Variants in TACR3 observed in about 807,000 individuals in gnomAD.
The protein encoded by TACR3 is tachykinin receptor 3.
A neutral mutation model predicts 35.0 loss-of-function variants in TACR3; 34 were observed. The ratio of observed to expected loss-of-function variants is 0.97; its 90% confidence interval spans 0.74 to 1.30. TACR3 has a LOEUF of 1.30. Ranked by LOEUF, TACR3 falls within the 50% of genes most tolerant of loss-of-function variation. The pLI is 0.00. For missense variants in TACR3, 558 were observed against 591.7 expected (o/e 0.94, Z 0.59); for synonymous variants, 233 against 221.1 (o/e 1.05, Z -0.48).
At chr4:103,602,680 A>T (rs930360065) in intron 3 of TACR3, among the ~76,000 whole-genome samples, 79 of 152,198 alleles carry the variant, frequency 5.2e-4, no homozygotes, top group African/African-American at 1.5e-3. Context: ...CCTGGGTATC[A>T]GCAGCAGTGG....
At chr4:103,661,009 T>C (rs1725829396) in intron 1 of TACR3, among the ~76,000 whole-genome samples, 1 of 152,060 alleles carries the variant, frequency 6.6e-6, no homozygotes, top group Non-Finnish European at 1.5e-5. Flanking sequence ...TTATGGGAAT[T>C]GTTCATAATG....
intron 3 of TACR3, among the ~76,000 whole-genome samples, chr4:103,629,967 G>A (rs1725022213): frequency 6.6e-6 from 1 of 151,494 alleles, no homozygotes; most frequent in Admixed American, 6.6e-5. Flanking sequence ...AGCCAAAACA[G>A]CATGGTACTG....
intron 3 of TACR3, among the ~76,000 whole-genome samples, chr4:103,641,995 G>T (rs1189651227): frequency 6.6e-6 from 1 of 151,772 alleles, no homozygotes; most frequent in Non-Finnish European, 1.5e-5. Flanking sequence ...GGGAGATGTT[G>T]ATCAAAGGGT....
At chr4:103,685,171 A>G (rs993762580) in intron 1 of TACR3, among the ~76,000 whole-genome samples, 1 of 152,106 alleles carries the variant, frequency 6.6e-6, no homozygotes, top group Non-Finnish European at 1.5e-5. Flanking sequence ...AAAGACATAG[A>G]TCAATGAAAC....
chr4:103,602,675 G>T (rs1277069297), intron 3 of TACR3, among the ~76,000 whole-genome samples: 4 of 152,204 alleles, frequency 2.6e-5, no homozygotes, highest in African/African-American at 9.7e-5. Context: ...GTTTGCCTGG[G>T]TATCAGCAGC....
At chr4:103,631,280 T>C (rs1302494525) in intron 3 of TACR3, among the ~76,000 whole-genome samples, 1 of 151,986 alleles carries the variant, frequency 6.6e-6, no homozygotes, top group African/African-American at 2.4e-5. Flanking sequence ...TACCTGTGTA[T>C]CAACACTGCA....
chr4:103,684,773 T>C (rs1313625216), intron 1 of TACR3, among the ~76,000 whole-genome samples: 1 of 151,756 alleles, frequency 6.6e-6, no homozygotes, highest in Admixed American at 6.6e-5. Context: ...GGGGCTGAGG[T>C]GGGAGGGTCA....
At chr4:103,687,149 A>G (rs1722267248) in intron 1 of TACR3, among the ~76,000 whole-genome samples, 1 of 152,190 alleles carries the variant, frequency 6.6e-6, no homozygotes, top group East Asian at 1.9e-4. Flanking sequence ...CAAAAACCAC[A>G]TGATTATCTC....
intron 1 of TACR3, among the ~76,000 whole-genome samples, chr4:103,682,931 A>C (rs1277310495): frequency 6.6e-6 from 1 of 152,168 alleles, no homozygotes; most frequent in Admixed American, 6.6e-5. Context: ...CGATAGTGAG[A>C]TGGAACTTTA....
Position 103,719,775 on chromosome 4 carries a change from C to CG in TACR3, c.-101dup. ...CTCTGCCTCCTGGTCACTTTGGTGC[C>CG]GGAGTCTTCAGATAAGACTGGAAGC... On this transcript the variant is annotated 5_prime_UTR_variant, in exon 1 of 5. Transcript: ENST00000304883. The CG allele has an allele frequency of 6.8e-7, 1 of 1,478,728 alleles. No homozygotes were observed. The highest frequency in any genetic ancestry group is 1.2e-5 in the South Asian group (1 of 85,184). 91.6% of individuals were successfully genotyped at this position (1,478,728 alleles called of 1,614,324 possible). A position where few individuals can be genotyped will look rare whatever the true frequency, so the allele number is the denominator to read the frequency against.
intron 3 of TACR3, among the ~76,000 whole-genome samples, chr4:103,644,570 A>T (rs1725420667): frequency 6.6e-6 from 1 of 151,806 alleles, no homozygotes; most frequent in Non-Finnish European, 1.5e-5. Context: ...ATTGGTAAAT[A>T]ATCATGAATT....
At chr4:103,598,072 G>A (rs1167154913) in intron 3 of TACR3, among the ~76,000 whole-genome samples, 1 of 152,166 alleles carries the variant, frequency 6.6e-6, no homozygotes, top group Non-Finnish European at 1.5e-5. Flanking sequence ...CCCACCAACA[G>A]TGTAAAAGTG....
chr4:103,701,409 C>G (rs1406840194), intron 1 of TACR3, among the ~76,000 whole-genome samples: 5 of 151,514 alleles, frequency 3.3e-5, no homozygotes, highest in East Asian at 1.9e-4. Context: ...AGGATACAAA[C>G]AAATGGAAGA....
chr4:103,693,997 T>C (rs1722467527), intron 1 of TACR3, among the ~76,000 whole-genome samples: 1 of 151,512 alleles, frequency 6.6e-6, no homozygotes, highest in South Asian at 2.1e-4. Context: ...CTTATTGGTT[T>C]GTAGTACTTT....
chr4:103,680,469 A>G (rs1193934107), intron 1 of TACR3, among the ~76,000 whole-genome samples: 1 of 70,316 alleles, frequency 1.4e-5, no homozygotes, highest in Non-Finnish European at 2.4e-5. Flanking sequence ...AGATTAAGTG[A>G]TATATATATA....
At chr4:103,646,095 TG>T (rs998482584) in intron 3 of TACR3, among the ~76,000 whole-genome samples, 4 of 152,054 alleles carry the variant, frequency 2.6e-5, no homozygotes, top group Non-Finnish European at 4.4e-5. Flanking sequence ...TTGATATTTT[TG>T]TTATTGGTCA....
intron 3 of TACR3, among the ~76,000 whole-genome samples, chr4:103,596,020 G>T (rs1388188942): frequency 6.6e-6 from 1 of 150,634 alleles, no homozygotes; most frequent in Non-Finnish European, 1.5e-5. Context: ...TTGTTCTTGT[G>T]ATAGTTTACT....
intron 3 of TACR3, 105 bp downstream of exon 3, chr4:103,656,089 G>A: frequency 1.4e-6 from 2 of 1,394,698 alleles, no homozygotes; most frequent in Non-Finnish European, 2.0e-6. Flanking sequence ...AAAAACAGGA[G>A]TAGAGCATCA....
chr4:103,669,979 T>C (rs1000569942), intron 1 of TACR3, among the ~76,000 whole-genome samples: 12 of 152,062 alleles, frequency 7.9e-5, no homozygotes, highest in African/African-American at 2.9e-4. Flanking sequence ...AATTAATTTT[T>C]ATTTGATTTT....
Sources: allele counts gnomAD v4.1 joint callset (sites outside exome capture counted in the v4.1 genomes callset), GRCh38; gene constraint gnomAD v4.1.1; transcripts MANE v1.5; gene names NCBI Gene and HGNC (gene_info 2026-07-23, HGNC 2026-07-21).